Variants in FBXO10 observed in about 807,000 individuals in gnomAD.
FBXO10 encodes F-box protein 10.
Under a neutral mutation model 80.7 loss-of-function variants are expected in FBXO10, and 39 were observed. That is an observed-to-expected ratio of 0.48 (90% CI 0.37 to 0.63). The LOEUF is 0.63. Among genes scored for constraint, FBXO10 ranks in the 30% least tolerant of loss-of-function variants. The pLI is 0.00. For synonymous variants in FBXO10, 449 were observed against 489.6 expected, an observed-to-expected ratio of 0.92 and a Z score of 1.09; for missense variants, 1,025 against 1,269.0, an observed-to-expected ratio of 0.81 and a Z score of 2.92.
chr9:37,550,169 GTTTTTTTTTTTTTTTTTT>G (rs74171511), intron 1 of FBXO10, among the ~76,000 whole-genome samples: 21 of 68,008 alleles, frequency 3.1e-4, no homozygotes, highest in Non-Finnish European at 5.1e-4. Context: ...GTCGTCTCAG[GTTTTTTTTTTTTTTTTTT>G]TTTTTTTTTT....
At chr9:37,519,494 A>C (rs1821273613) in intron 8 of FBXO10, among the ~76,000 whole-genome samples, 1 of 151,946 alleles carries the variant, frequency 6.6e-6, no homozygotes, top group Non-Finnish European at 1.5e-5. Flanking sequence ...GGGTTGGGGC[A>C]GTGCTGGGGG....
chr9:37,570,301 T>C (rs559280202), intron 1 of FBXO10, among the ~76,000 whole-genome samples: 113 of 149,542 alleles, frequency 7.6e-4, no homozygotes, highest in African/African-American at 2.6e-3. Context: ...GCAACAAGAG[T>C]GAAAGTCTGT....
intron 1 of FBXO10, among the ~76,000 whole-genome samples, chr9:37,552,466 G>A (rs1278494020): frequency 1.3e-5 from 2 of 152,042 alleles, no homozygotes; most frequent in Non-Finnish European, 2.9e-5. Context: ...GGAGGATCAC[G>A]AGGTCAGGAG....
chr9:37,536,149 TA>T (rs1287132130), intron 3 of FBXO10: 2 of 152,240 alleles, frequency 1.3e-5, no homozygotes, highest in African/African-American at 2.4e-5. Context: ...TTAACCATTT[TA>T]GAAGCCTGCA....
intron 2 of FBXO10, among the ~76,000 whole-genome samples, chr9:37,540,300 G>C (rs895976828): frequency 6.6e-6 from 1 of 151,678 alleles, no homozygotes; most frequent in Admixed American, 6.6e-5. Context: ...CGATTCTTTT[G>C]CCTCAGCCTC....
At position 37,512,310 on chromosome 9, in the gene FBXO10, T is replaced by C. The variant is rs1046258555; in HGVS notation, c.*237A>G. The C allele has an allele frequency of 4.8e-6, 2 of 416,032 alleles. No homozygotes were observed. The highest frequency in any genetic ancestry group is 4.0e-5 in the African/African-American group (2 of 50,076). 25.8% of individuals were successfully genotyped at this position (416,032 alleles called of 1,614,324 possible). On this transcript the variant is annotated 3_prime_UTR_variant, in exon 11 of 11. Coordinates refer to ENST00000432825, the MANE Select transcript of FBXO10 (RefSeq NM_012166.3). ...CTTCCCCCGCTCTTCACAATCTTTA[T>C]AGACTTCGAGTGACTGGAAACCCAC...
In FBXO10 at chr9:37,541,884, A is replaced by G. The variant is rs1046043298; in HGVS notation, c.-6-110T>C. On this transcript the variant is annotated intron_variant, in intron 1 of 10. Coordinates refer to ENST00000432825, the MANE Select transcript of FBXO10 (RefSeq NM_012166.3). ...ACTCTTCTTGCCCAGGCTGGAGTGC[A>G]GTGGTGCGATCTTGGCCTCACCATA... The G allele has an allele frequency of 9.8e-6, 9 of 915,498 alleles. No homozygotes were observed. In the African/African-American group the frequency reaches 1.3e-4, roughly 14 times the overall value. The allele number at this position is 915,498 out of a possible 1,614,324, so 56.7% of individuals were successfully genotyped here. A position where few individuals can be genotyped will look rare whatever the true frequency, so the allele number is the denominator to read the frequency against.
Position 37,541,368 on chromosome 9 carries a change from A to G in FBXO10, c.401T>C (p.Ile134Thr), listed in dbSNP as rs1176261954. The G allele has an allele frequency of 6.2e-7, 1 of 1,613,872 alleles. No individual in the cohort carries two copies. Among genetic ancestry groups the G allele is most frequent in the Non-Finnish European group, 8.5e-7 (1 of 1,179,894 alleles). Reference protein sequence around the residue: ...ALAMASLYDRIVLFPGVYEEQ... With the variant: ...ALAMASLYDRTVLFPGVYEEQ... ...TTCGTACACACCTGGGAAGAGCACA[A>G]TTCGGTCATACAGGCTGGCCATGGC... The change falls in exon 2 of 11, where the codon ATT (isoleucine) becomes ACT (threonine). Residue 134 changes from isoleucine (I) to threonine (T), a missense_variant. Coordinates refer to ENST00000432825, the MANE Select transcript of FBXO10 (RefSeq NM_012166.3).
At chr9:37,516,594 A>T (rs949307243) in intron 9 of FBXO10, among the ~76,000 whole-genome samples, 1 of 152,238 alleles carries the variant, frequency 6.6e-6, no homozygotes, top group African/African-American at 2.4e-5. Context: ...GTGCACACGC[A>T]TATTGATAGC....
At position 37,537,818 on chromosome 9, in the gene FBXO10, G is replaced by A. The variant is rs371415820; in HGVS notation, c.711C>T (p.Asn237=). 6.2e-6 allele frequency: 10 copies of A among 1,613,858 alleles called. No individual in the cohort carries two copies. Among genetic ancestry groups the A allele is most frequent in the African/African-American group, 4.0e-5 (3 of 74,906 alleles). ...TFKNTHIFLH[N]VPLCVLENCE... ...AGTTTTCCAGGACACACAGGGGCACGTTGTGCAGGAAGATATGGGTGTTTT... is the reference window on the plus strand; with the variant it reads ...AGTTTTCCAGGACACACAGGGGCACATTGTGCAGGAAGATATGGGTGTTTT... Residue 237 remains asparagine, a synonymous_variant, in exon 3 of 11, where the codon AAC becomes AAT. Transcript: ENST00000432825.
At chr9:37,560,352 C>T (rs1448154578) in intron 1 of FBXO10, among the ~76,000 whole-genome samples, 1 of 152,114 alleles carries the variant, frequency 6.6e-6, no homozygotes, top group Non-Finnish European at 1.5e-5. Context: ...AAGAAGCCCA[C>T]CTATAGTAGG....
intron 1 of FBXO10, among the ~76,000 whole-genome samples, chr9:37,542,327 G>A (rs1338157797): frequency 6.6e-6 from 1 of 151,996 alleles, no homozygotes; most frequent in Non-Finnish European, 1.5e-5. Context: ...CGGGCGCAAT[G>A]GCTCAGGCCT....
intron 8 of FBXO10, among the ~76,000 whole-genome samples, chr9:37,521,282 G>A (rs1014961237): frequency 8.0e-5 from 12 of 149,794 alleles, no homozygotes; most frequent in Admixed American, 7.9e-4. Flanking sequence ...GGGAAGTGAG[G>A]AGCACCTCTC....
chr9:37,512,678 G>T lies in FBXO10; in HGVS notation c.2740C>A (p.Leu914Ile). 1 of 1,614,008 alleles carries T rather than the reference G, an allele frequency of 6.2e-7. No homozygotes were observed. The highest frequency in any genetic ancestry group is 8.5e-7 in the Non-Finnish European group (1 of 1,179,898). The part of the protein sequence containing the change: ...RLVNPPARPH[L>I]ENSLRRPSAA... ...GAGGGACGTCTGAGAGAATTTTCAA[G>T]GTGGGGCCGTGCTGGTGGGTTCACC... is the stretch of plus-strand genomic sequence containing the variant. The change falls in exon 11 of 11, where the codon CTT becomes ATT. Residue 914 changes from leucine (L) to isoleucine (I), a missense_variant. This residue lies in a region of FBXO10 where 97 missense variants were observed against 101.8 expected (regional missense o/e 0.95). Transcript: ENST00000432825.
chr9:37,548,381 T>A (rs919527734), intron 1 of FBXO10, among the ~76,000 whole-genome samples: 4 of 152,156 alleles, frequency 2.6e-5, no homozygotes, highest in African/African-American at 4.8e-5. Context: ...CGAGACTCCA[T>A]CTCAAAAAAT....
intron 1 of FBXO10, among the ~76,000 whole-genome samples, chr9:37,571,714 C>CATATATATAT (rs71494672): frequency 0.021 from 1,986 of 92,858 alleles, 74 homozygotes; most frequent in African/African-American, 0.051. Context: ...AAAAGAGAGC[C>CATATATATAT]ATATATATAT....
At chr9:37,555,794 CT>C (rs560580204) in intron 1 of FBXO10, among the ~76,000 whole-genome samples, 95 of 152,102 alleles carry the variant, frequency 6.2e-4, no homozygotes, top group Admixed American at 1.1e-3. Flanking sequence ...TGTGGTTTGC[CT>C]TTTCATTGTC....
intron 6 of FBXO10, among the ~76,000 whole-genome samples, chr9:37,523,257 G>T (rs2119069864): frequency 6.6e-6 from 1 of 152,162 alleles, no homozygotes; most frequent in African/African-American, 2.4e-5. Flanking sequence ...GATTAAAAAT[G>T]AACTAGTTTT....
intron 4 of FBXO10, among the ~76,000 whole-genome samples, chr9:37,530,428 G>T (rs1821591435): frequency 6.6e-6 from 1 of 152,098 alleles, no homozygotes; most frequent in African/African-American, 2.4e-5. Context: ...ACAACGCCAG[G>T]ACTAAAATAT....
Sources: gnomAD v4.1 joint callset for allele counts (sites outside exome capture counted in the v4.1 genomes callset) on GRCh38, gnomAD v4.1.1 for gene constraint, gnomAD v4.1.1 regional missense constraint, MANE v1.5 for transcripts, NCBI Gene and HGNC (gene_info 2026-07-23, HGNC 2026-07-21) for gene names.